The following UNC5C variants were observed in gnomAD, a reference collection of about 807,000 sequenced individuals.
UNC5C encodes the protein unc-5 netrin receptor C.
UNC5C carries 47 observed loss-of-function variants against 99.8 expected under a neutral mutation model. The ratio of observed to expected loss-of-function variants is 0.47; its 90% confidence interval spans 0.37 to 0.60. The LOEUF is 0.60. UNC5C is among the 20% of genes least tolerant of loss of function. The pLI is 0.00. For synonymous variants in UNC5C, 487 were observed against 452.2 expected (o/e 1.08, Z -0.98); for missense variants, 1,062 against 1,165.9 (o/e 0.91, Z 1.30).
At chr4:95,178,151 C>G (rs867644946) in intron 14 of UNC5C, among the ~76,000 whole-genome samples, 1 of 152,208 alleles carries the variant, frequency 6.6e-6, no homozygotes. Flanking sequence ...CAGGTTGCCC[C>G]GTCCTTACCG....
At chr4:95,452,089 T>C (rs1747293711) in intron 1 of UNC5C, among the ~76,000 whole-genome samples, 1 of 152,154 alleles carries the variant, frequency 6.6e-6, no homozygotes. Flanking sequence ...ATGTATATGG[T>C]ACATTATTTT....
chr4:95,316,803 T>G (rs940010078), intron 2 of UNC5C, among the ~76,000 whole-genome samples: 4 of 152,096 alleles, frequency 2.6e-5, no homozygotes, highest in Non-Finnish European at 5.9e-5. Context: ...CACCTCAAAG[T>G]TTCTTGGTAT....
At chr4:95,513,569 A>G (rs917694497) in intron 1 of UNC5C, among the ~76,000 whole-genome samples, 1 of 152,190 alleles carries the variant, frequency 6.6e-6, no homozygotes, top group Admixed American at 6.6e-5. Context: ...AGCTTAATAT[A>G]TATTATCAAG....
At chr4:95,338,943 C>A (rs1400368838) in intron 1 of UNC5C, among the ~76,000 whole-genome samples, 2 of 152,042 alleles carry the variant, frequency 1.3e-5, no homozygotes, top group Admixed American at 6.6e-5. Context: ...ATTGTGACAG[C>A]AGAACATTAA....
intron 12 of UNC5C, among the ~76,000 whole-genome samples, chr4:95,199,658 G>T (rs1471328312): frequency 6.6e-6 from 1 of 152,160 alleles, no homozygotes; most frequent in Non-Finnish European, 1.5e-5. Context: ...GTATTTGTGT[G>T]TGTTTATTGG....
chr4:95,482,990 C>A (rs1721209020), intron 1 of UNC5C, among the ~76,000 whole-genome samples: 1 of 118,568 alleles, frequency 8.4e-6, no homozygotes, highest in African/African-American at 3.4e-5. Flanking sequence ...GCACATGTAC[C>A]CTAAAACTTA....
intron 7 of UNC5C, among the ~76,000 whole-genome samples, chr4:95,238,394 A>C (rs1377997224): frequency 6.6e-6 from 1 of 152,184 alleles, no homozygotes; most frequent in Admixed American, 6.5e-5. Context: ...GAATCAAGGA[A>C]GTCTAATGTA....
intron 14 of UNC5C, among the ~76,000 whole-genome samples, chr4:95,178,703 A>C (rs1736472816): frequency 6.6e-6 from 1 of 152,246 alleles, no homozygotes; most frequent in Non-Finnish European, 1.5e-5. Flanking sequence ...AGGCCAGTTG[A>C]AGATAGATAG....
rs576716022 is a variant in UNC5C at position 95,437,742 on chromosome 4, C to T, written c.125-102111G>A. Among the ~76,000 whole-genome samples the T allele has an allele frequency of 1.3e-4, 20 of 152,158 alleles. No individual in the cohort carries two copies. In the East Asian group the frequency reaches 1.5e-3, roughly 12 times the overall value. On this transcript the variant is annotated intron_variant, in intron 1 of 15. Coordinates refer to ENST00000453304, the MANE Select transcript of UNC5C (RefSeq NM_003728.4). ...TATTGAAATGAAGGTCTGCCATTGA[C>T]GCTGATAGAGCATCAGTGGTAAGGT...
chr4:95,548,642 T>G (rs1185353131), intron 1 of UNC5C, 92 bp downstream of exon 1: 1 of 1,448,888 alleles, frequency 6.9e-7, no homozygotes, highest in African/African-American at 1.4e-5. Flanking sequence ...ACGAGGCAAA[T>G]TGAGGAAGTC....
At chr4:95,424,518 CTTTTTTTTTTTT>C (rs536039867) in intron 1 of UNC5C, among the ~76,000 whole-genome samples, 1 of 67,952 alleles carries the variant, frequency 1.5e-5, no homozygotes, top group South Asian at 7.5e-4. Flanking sequence ...TTTTTCTTTT[CTTTTTTTTTTTT>C]TTTTTTTTTG....
intron 5 of UNC5C, among the ~76,000 whole-genome samples, chr4:95,247,745 A>G (rs558063788): frequency 9.2e-5 from 14 of 152,346 alleles, no homozygotes; most frequent in Admixed American, 6.5e-4. Context: ...TAAAGACAAC[A>G]CATTCATTGT....
chr4:95,205,588 TATC>T (rs1470222071), intron 11 of UNC5C, among the ~76,000 whole-genome samples: 6 of 152,182 alleles, frequency 3.9e-5, no homozygotes, highest in South Asian at 4.1e-4. Context: ...CCTAAAAAAT[TATC>T]ATAAGTAATC....
At chr4:95,268,780 T>A (rs1242856105) in intron 4 of UNC5C, among the ~76,000 whole-genome samples, 1 of 152,196 alleles carries the variant, frequency 6.6e-6, no homozygotes, top group East Asian at 1.9e-4. Context: ...ACTCCACGTC[T>A]ATCAGAAAGG....
chr4:95,450,603 T>G (rs1747254539), intron 1 of UNC5C, among the ~76,000 whole-genome samples: 1 of 152,242 alleles, frequency 6.6e-6, no homozygotes, highest in Admixed American at 6.5e-5. Flanking sequence ...TTCTCCGTCT[T>G]ATTTCTCTGA....
At chr4:95,222,369 A>C in intron 7 of UNC5C, 1 of 657,658 alleles carries the variant, frequency 1.5e-6, no homozygotes, top group African/African-American at 1.9e-5. Flanking sequence ...AGGAAAAGAA[A>C]CCTGTGGTCT....
At position 95,183,169 on chromosome 4, in the gene UNC5C, A is replaced by T. The variant is rs1249460969; in HGVS notation, c.2287-108T>A. On this transcript the variant is annotated intron_variant, in intron 13 of 15. Transcript: ENST00000453304. ...AGTATCACACCTGTGGCCTCATTTA[A>T]TCCTCACAACAGCCCTATGTTTAAG... 6.8e-5 allele frequency: 76 copies of T among 1,122,536 alleles called. 2 individuals are homozygous for T. Among genetic ancestry groups the T allele is most frequent in the Middle Eastern group, 2.4e-4 (1 of 4,214 alleles). The allele number at this position is 1,122,536 out of a possible 1,614,324, so 69.5% of individuals were successfully genotyped here. A position where few individuals can be genotyped will look rare whatever the true frequency, so the allele number is the denominator to read the frequency against.
chr4:95,192,057 C>T (rs1737135178), intron 12 of UNC5C, among the ~76,000 whole-genome samples: 2 of 142,518 alleles, frequency 1.4e-5, no homozygotes, highest in South Asian at 4.7e-4. Flanking sequence ...TCTGCTCACC[C>T]TCTTCCCCTG....
At chr4:95,442,422 G>A (rs930633530) in intron 1 of UNC5C, among the ~76,000 whole-genome samples, 5 of 143,950 alleles carry the variant, frequency 3.5e-5, no homozygotes, top group Admixed American at 1.4e-4. Context: ...TGCCCAGGCT[G>A]GTCTTAAGTT....
Sources: allele counts gnomAD v4.1 joint callset (sites outside exome capture counted in the v4.1 genomes callset), GRCh38; gene constraint gnomAD v4.1.1; transcripts MANE v1.5; gene names NCBI Gene and HGNC (gene_info 2026-07-23, HGNC 2026-07-21).